ZGRF1: variants seen among roughly 807,000 people sequenced by gnomAD.
ZGRF1 encodes 5'-3' DNA helicase ZGRF1.
Under a neutral mutation model 203.5 loss-of-function variants are expected in ZGRF1, and 196 were observed. That is an observed-to-expected ratio of 0.96 (90% CI 0.86 to 1.08). ZGRF1 has a LOEUF of 1.08. ZGRF1 is among the 50% of genes least tolerant of loss of function. The pLI is 0.00. For synonymous variants in ZGRF1, 809 were observed against 841.3 expected (o/e 0.96, Z 0.66); for missense variants, 2,326 against 2,416.3 (o/e 0.96, Z 0.78).
intron 18 of ZGRF1, among the ~76,000 whole-genome samples, chr4:112,562,058 C>T (rs959553710): frequency 1.3e-5 from 2 of 151,846 alleles, no homozygotes; most frequent in African/African-American, 2.4e-5. Context: ...TACAGGCATG[C>T]GCCAGTATGC....
chr4:112,569,528 C>A (rs538965992), intron 16 of ZGRF1, among the ~76,000 whole-genome samples: 1 of 152,122 alleles, frequency 6.6e-6, no homozygotes, highest in South Asian at 2.1e-4. Flanking sequence ...CAACTGGGGG[C>A]AGGGCGGGCA....
At chr4:112,610,386 C>T (rs891264966) in intron 7 of ZGRF1, among the ~76,000 whole-genome samples, 2 of 151,948 alleles carry the variant, frequency 1.3e-5, no homozygotes, top group African/African-American at 4.8e-5. Flanking sequence ...GCCTGGCAAA[C>T]ATGGCGAAAC....
In ZGRF1 at chr4:112,619,336, C is replaced by T; in HGVS notation, c.706G>A (p.Asp236Asn). Residue 236 changes from aspartate (D) to asparagine (N), a missense_variant, in exon 6 of 28, where the codon GAT (aspartate) becomes AAT (asparagine). Coordinates refer to ENST00000505019, the MANE Select transcript of ZGRF1 (RefSeq NM_018392.5). ...SLLTNEPVKR[D>N]SLASHYSGVS... ...CCTGAATAGTGAGATGCCAAACTAT[C>T]TCTTTTCACAGGCTCATTGGTCAGT... The T allele has an allele frequency of 6.2e-7, 1 of 1,612,516 alleles. No homozygotes were observed. The highest frequency in any genetic ancestry group is 2.2e-5 in the East Asian group (1 of 44,868).
At chr4:112,614,328 A>T (rs1183492703) in intron 6 of ZGRF1, among the ~76,000 whole-genome samples, 2 of 152,200 alleles carry the variant, frequency 1.3e-5, no homozygotes, top group Non-Finnish European at 2.9e-5. Flanking sequence ...TTTATTTGTA[A>T]CCCCAAATCA....
chr4:112,555,089 C>G (rs182533497), intron 20 of ZGRF1, among the ~76,000 whole-genome samples: 1 of 152,222 alleles, frequency 6.6e-6, no homozygotes, highest in Admixed American at 6.5e-5. Context: ...AAAGCAATAG[C>G]TATCATATAC....
intron 16 of ZGRF1, among the ~76,000 whole-genome samples, chr4:112,573,167 T>C (rs1013623841): frequency 8.2e-5 from 12 of 145,612 alleles, no homozygotes; most frequent in Middle Eastern, 3.4e-3. Context: ...GAAATTGTGA[T>C]ACACACACAC....
At chr4:112,582,767 T>C (rs1746492744) in intron 15 of ZGRF1, among the ~76,000 whole-genome samples, 2 of 152,176 alleles carry the variant, frequency 1.3e-5, no homozygotes, top group African/African-American at 4.8e-5. Context: ...CTTTGGTTTA[T>C]TTCACTTAAC....
intron 20 of ZGRF1, among the ~76,000 whole-genome samples, chr4:112,555,595 T>A (rs989729792): frequency 5.3e-5 from 8 of 152,114 alleles, no homozygotes; most frequent in African/African-American, 1.9e-4. Flanking sequence ...TAGTTTACAA[T>A]TTTTTTTCCA....
At position 112,548,202 on chromosome 4, in the gene ZGRF1, A is replaced by C; in HGVS notation, c.5474+51T>G. ...GCAATCCACCTGCCTCAGCCTCCTA[A>C]AGTGCTAGGATTACAGGTATTACCC... On this transcript the variant is annotated intron_variant, in intron 23 of 27. Transcript: ENST00000505019. The C allele has an allele frequency of 2.0e-6, 3 of 1,527,426 alleles. No individual in the cohort carries two copies. In the South Asian group the frequency reaches 3.7e-5, roughly 19 times the overall value. The allele number at this position is 1,527,426 out of a possible 1,614,324, so 94.6% of individuals were successfully genotyped here. A position where few individuals can be genotyped will look rare whatever the true frequency, so the allele number is the denominator to read the frequency against.
intron 6 of ZGRF1, among the ~76,000 whole-genome samples, chr4:112,616,468 T>G (rs541766267): frequency 6.9e-6 from 1 of 145,566 alleles, no homozygotes; most frequent in African/African-American, 2.6e-5. Context: ...GAGCTTGCAG[T>G]GAGCCGAGAT....
At chr4:112,567,154 C>T (rs1743262317) in intron 16 of ZGRF1, among the ~76,000 whole-genome samples, 1 of 152,104 alleles carries the variant, frequency 6.6e-6, no homozygotes, top group Non-Finnish European at 1.5e-5. Context: ...GATTGTTCTG[C>T]AGGTAGTTGT....
rs1207531309 is a variant in ZGRF1, at chr4:112,548,977, A to G, written c.5347-597T>C. Among the ~76,000 whole-genome samples, 2 of 76,442 alleles carry G rather than the reference A, an allele frequency of 2.6e-5. 1 individual carries two copies. 50.1% of individuals were successfully genotyped at this position (76,442 alleles called of 152,430 possible). On this transcript the variant is annotated intron_variant, in intron 22 of 27. Coordinates refer to ENST00000505019, the MANE Select transcript of ZGRF1 (RefSeq NM_018392.5). ...AAAATACAAAAAATTAGCCGGGCGT[A>G]GTGGCGGGCGCCTGTAGTCCCAGCT...
chr4:112,547,246 C>A, intron 24 of ZGRF1, 39 bp downstream of exon 24: 2 of 1,581,918 alleles, frequency 1.3e-6, no homozygotes, highest in South Asian at 2.3e-5. Flanking sequence ...AATGTAGAAT[C>A]AATAAATGAT....
Position 112,561,094 on chromosome 4 carries a change from C to T in ZGRF1, c.4698-99G>A, listed in dbSNP as rs549576156. The T allele has an allele frequency of 2.8e-5, 26 of 928,552 alleles. No homozygotes were observed. The East Asian group carries it at 4.7e-4, about 17-fold the overall frequency. 57.5% of individuals were successfully genotyped at this position (928,552 alleles called of 1,614,324 possible). ...CTTAGCCATCACTTTGTAAGCATTACAGAGAACAGTTTTTTATGGAAATAA... is the reference window on the plus strand; with the variant it reads ...CTTAGCCATCACTTTGTAAGCATTATAGAGAACAGTTTTTTATGGAAATAA... On this transcript the variant is annotated intron_variant, in intron 18 of 27. Coordinates refer to ENST00000505019, the MANE Select transcript of ZGRF1 (RefSeq NM_018392.5).
intron 15 of ZGRF1, 50 bp downstream of exon 15, chr4:112,583,928 G>A (rs774414630): frequency 5.0e-6 from 6 of 1,191,502 alleles, no homozygotes; most frequent in Non-Finnish European, 5.9e-6. Flanking sequence ...TGTGAAGGCT[G>A]TTGTTCTCTT....
intron 16 of ZGRF1, among the ~76,000 whole-genome samples, chr4:112,581,222 G>C (rs1428987571): frequency 7.2e-6 from 1 of 139,282 alleles, no homozygotes; most frequent in African/African-American, 2.7e-5. Flanking sequence ...GGTGGGAACT[G>C]AACAATGAGA....
At position 112,541,211 on chromosome 4, in the gene ZGRF1, T is replaced by C. The variant is rs991046667; in HGVS notation, c.5656A>G (p.Ile1886Val). Residue 1886 changes from isoleucine (I) to valine (V), a missense_variant, in exon 25 of 28, where the codon ATT becomes GTT. By Grantham distance (29) the Ile-to-Val change is conservative. Transcript: ENST00000505019. ...QYRCHPAISA[I>V]ANDLFYKGAL... is the part of the protein sequence containing the mutation. ...CCTTTGTAAAACAGATCATTAGCAA[T>C]AGCACTGATTGCAGGATGACAACGG... 1.9e-6 allele frequency: 3 copies of C among 1,610,698 alleles called. No homozygotes were observed. The highest frequency in any genetic ancestry group is 2.2e-5 in the East Asian group (1 of 44,832).
In ZGRF1 at chr4:112,618,988, G is replaced by T; in HGVS notation, c.1054C>A (p.Pro352Thr). Residue 352 changes from proline (P) to threonine (T), a missense_variant, in exon 6 of 28, where the codon CCC becomes ACC. By Grantham distance (38) the Pro-to-Thr change is conservative. Coordinates refer to ENST00000505019, the MANE Select transcript of ZGRF1 (RefSeq NM_018392.5). ...TVDGNDTERK[P>T]KAQEDDVNSN... Reference sequence around the variant, plus strand: ...TTTACATCATCTTCCTGGGCCTTGGGTTTCCTTTCTGTATCATTCCCATCT... The same window carrying T: ...TTTACATCATCTTCCTGGGCCTTGGTTTTCCTTTCTGTATCATTCCCATCT... The T allele has an allele frequency of 5.0e-6, 8 of 1,613,608 alleles. No individual in the cohort carries two copies. The highest frequency in any genetic ancestry group is 6.8e-6 in the Non-Finnish European group (8 of 1,179,806).
chr4:112,636,773 A>C (rs2047664255), intron 1 of ZGRF1, 78 bp downstream of exon 1: 1 of 152,238 alleles, frequency 6.6e-6, no homozygotes, highest in Non-Finnish European at 1.5e-5. Context: ...TCTCTTCTTA[A>C]GGAGCAGAGT....
Sources: allele counts gnomAD v4.1 joint callset (sites outside exome capture counted in the v4.1 genomes callset), GRCh38; gene constraint gnomAD v4.1.1; transcripts MANE v1.5; gene names NCBI Gene and HGNC (gene_info 2026-07-23, HGNC 2026-07-21).